The following MAML2 variants were observed in gnomAD, a reference collection of about 807,000 sequenced individuals.
The protein encoded by MAML2 is mastermind like transcriptional coactivator 2.
MAML2 carries 22 observed loss-of-function variants against 96.1 expected under a neutral mutation model. The ratio of observed to expected loss-of-function variants is 0.23; its 90% CI spans 0.16 to 0.33. The LOEUF is 0.33. Among genes scored for constraint, MAML2 ranks in the 10% least tolerant of loss-of-function variants. The pLI, the probability that MAML2 is intolerant of heterozygous loss-of-function variation, is 1.00. For synonymous variants in MAML2, 561 were observed against 521.3 expected (o/e 1.08, Z -1.04); for missense variants, 1,367 against 1,392.4 (o/e 0.98, Z 0.29).
At chr11:96,050,750 G>A (rs1323776205) in intron 2 of MAML2, among the ~76,000 whole-genome samples, 1 of 152,206 alleles carries the variant, frequency 6.6e-6, no homozygotes, top group Non-Finnish European at 1.5e-5. Flanking sequence ...TGTCTCTGGA[G>A]AGGACCTTGC....
intron 1 of MAML2, among the ~76,000 whole-genome samples, chr11:96,305,668 T>C (rs1863453166): frequency 6.6e-6 from 1 of 152,226 alleles, no homozygotes; most frequent in African/African-American, 2.4e-5. Context: ...TAAGTTACTA[T>C]TCAAGTCATC....
Position 96,202,332 on chromosome 11 carries a change from C to T in MAML2, c.514-108815G>A, listed in dbSNP as rs563311507. On this transcript the variant is annotated intron_variant, in intron 1 of 4. Coordinates refer to ENST00000524717, the MANE Select transcript of MAML2 (RefSeq NM_032427.4). ...CACCACTGCACTCCAGCCTGGGTGA[C>T]AGAGCAAGACTCCATCTCAAAAAAA... Among the ~76,000 whole-genome samples the T allele has an allele frequency of 2.6e-3, 325 of 124,836 alleles. No individual in the cohort carries two copies. The Middle Eastern group carries it at 0.036, about 14-fold the overall frequency. 81.9% of individuals were successfully genotyped at this position (124,836 alleles called of 152,430 possible).
At chr11:96,178,240 G>T (rs952203908) in intron 1 of MAML2, among the ~76,000 whole-genome samples, 34 of 152,172 alleles carry the variant, frequency 2.2e-4, no homozygotes, top group African/African-American at 8.2e-4. Context: ...GAGGATCAAA[G>T]ATGTGGGCCT....
intron 1 of MAML2, among the ~76,000 whole-genome samples, chr11:96,279,485 T>C (rs1160057135): frequency 6.6e-6 from 1 of 152,082 alleles, no homozygotes; most frequent in Non-Finnish European, 1.5e-5. Context: ...TCTTGTAAAT[T>C]ACAAGGGACT....
chr11:96,044,132 C>T (rs1245786661), intron 2 of MAML2, among the ~76,000 whole-genome samples: 1 of 152,154 alleles, frequency 6.6e-6, no homozygotes, highest in African/African-American at 2.4e-5. Context: ...ACTGGATAAA[C>T]AATGGGAACC....
intron 2 of MAML2, among the ~76,000 whole-genome samples, chr11:96,015,213 T>C (rs1858325915): frequency 6.6e-6 from 1 of 152,304 alleles, no homozygotes; most frequent in East Asian, 1.9e-4. Context: ...AAATCTATAC[T>C]ATTGGCACTT....
Position 96,039,295 on chromosome 11 carries a change from A to G in MAML2, c.2140-47572T>C, listed in dbSNP as rs76057400. On this transcript the variant is annotated intron_variant, in intron 2 of 4. Coordinates refer to ENST00000524717, the MANE Select transcript of MAML2 (RefSeq NM_032427.4). Reference sequence around the variant, plus strand: ...GGGGAGAGGAGGAGACAGAGGTGAGAGAAGAGAGAAGAGAGGGGAGAGAGG... The same window carrying G: ...GGGGAGAGGAGGAGACAGAGGTGAGGGAAGAGAGAAGAGAGGGGAGAGAGG... Among the ~76,000 whole-genome samples, 496 of 139,828 alleles carry G rather than the reference A, an allele frequency of 3.5e-3. 3 individuals are homozygous for G. Among genetic ancestry groups the G allele is most frequent in the African/African-American group, 0.012 (440 of 38,108 alleles). 91.7% of individuals were successfully genotyped at this position (139,828 alleles called of 152,430 possible). A position where few individuals can be genotyped will look rare whatever the true frequency, so the allele number is the denominator to read the frequency against.
intron 2 of MAML2, among the ~76,000 whole-genome samples, chr11:96,047,859 C>A (rs1370726780): frequency 7.6e-6 from 1 of 131,936 alleles, no homozygotes; most frequent in Non-Finnish European, 1.5e-5. Context: ...TTGCAGTGAG[C>A]CAAGATCATG....
intron 1 of MAML2, among the ~76,000 whole-genome samples, chr11:96,141,392 G>T (rs572533406): frequency 1.3e-5 from 2 of 152,222 alleles, no homozygotes; most frequent in East Asian, 3.9e-4. Context: ...AGGAGCAAAA[G>T]ATTCCCTATG....
chr11:96,033,544 T>C lies in MAML2; in HGVS notation c.2140-41821A>G, dbSNP rs1411830850. ...GACAGGGATTGTGCATACCTAATCT[T>C]GTACTAGACTTGACGCACTGTAAAT... is the stretch of plus-strand genomic sequence containing the variant. On this transcript the variant is annotated intron_variant, in intron 2 of 4. Coordinates refer to ENST00000524717, the MANE Select transcript of MAML2 (RefSeq NM_032427.4). Among the ~76,000 whole-genome samples the C allele has an allele frequency of 2.0e-5, 3 of 152,220 alleles. No individual in the cohort carries two copies. In the South Asian group the frequency reaches 6.2e-4, roughly 32 times the overall value.
chr11:96,336,688 T>A (rs1863924613), intron 1 of MAML2, among the ~76,000 whole-genome samples: 1 of 152,196 alleles, frequency 6.6e-6, no homozygotes, highest in African/African-American at 2.4e-5. Context: ...CCTTTCAGGC[T>A]TTCTTAGATT....
chr11:96,066,890 A>ATCACCTAATTACCC (rs1240066998), intron 2 of MAML2, among the ~76,000 whole-genome samples: 1 of 152,130 alleles, frequency 6.6e-6, no homozygotes, highest in Non-Finnish European at 1.5e-5. Flanking sequence ...AAGAGCAAAG[A>ATCACCTAATTACCC]CTCTGAGATG....
chr11:96,115,808 G>A (rs1860226889), intron 1 of MAML2, among the ~76,000 whole-genome samples: 1 of 152,154 alleles, frequency 6.6e-6, no homozygotes, highest in Admixed American at 6.5e-5. Context: ...ATCAGAAGAA[G>A]GTAGCTACAA....
At chr11:96,125,509 C>T (rs1365315291) in intron 1 of MAML2, among the ~76,000 whole-genome samples, 1 of 152,176 alleles carries the variant, frequency 6.6e-6, no homozygotes, top group African/African-American at 2.4e-5. Context: ...TACCCAGTCT[C>T]TCCAGGGTCT....
intron 2 of MAML2, among the ~76,000 whole-genome samples, chr11:96,061,054 C>T (rs903994678): frequency 5.3e-5 from 8 of 152,112 alleles, no homozygotes; most frequent in African/African-American, 1.7e-4. Flanking sequence ...TAAACAGACA[C>T]ATACATGAAA....
chr11:96,237,437 C>T (rs995619677), intron 1 of MAML2, among the ~76,000 whole-genome samples: 1 of 152,208 alleles, frequency 6.6e-6, no homozygotes, highest in Non-Finnish European at 1.5e-5. Context: ...GCTCTAATAG[C>T]CTGTACCACA....
At chr11:96,082,539 C>A (rs1193348289) in intron 2 of MAML2, among the ~76,000 whole-genome samples, 2 of 152,050 alleles carry the variant, frequency 1.3e-5, no homozygotes, top group Non-Finnish European at 2.9e-5. Context: ...AGTGGTAGGG[C>A]AAAAGGCATT....
rs1864004167 is a variant in MAML2 at position 96,342,050 on chromosome 11, G to A, written c.-155C>T. On this transcript the variant is annotated 5_prime_UTR_variant, in exon 1 of 5. Transcript: ENST00000524717. ...GAGGTTGTGGGGGAGCCGTGGAGAA[G>A]TTGTGGGGGAGGGGAGTTAGTAAAA... 2 of 674,320 alleles carry A rather than the reference G, an allele frequency of 3.0e-6. No homozygotes were observed. The highest frequency in any genetic ancestry group is 4.8e-6 in the Non-Finnish European group (2 of 415,606). 41.8% of individuals were successfully genotyped at this position (674,320 alleles called of 1,614,324 possible).
At chr11:96,225,687 G>C (rs1019264334) in intron 1 of MAML2, among the ~76,000 whole-genome samples, 1 of 152,052 alleles carries the variant, frequency 6.6e-6, no homozygotes, top group Admixed American at 6.5e-5. Context: ...ACAAAAATTA[G>C]CTGGGCGTGG....
Sources: gnomAD v4.1 joint callset for allele counts (sites outside exome capture counted in the v4.1 genomes callset) on GRCh38, gnomAD v4.1.1 for gene constraint, MANE v1.5 for transcripts, NCBI Gene and HGNC (gene_info 2026-07-23, HGNC 2026-07-21) for gene names.